CENPF: variants seen among roughly 807,000 people sequenced by gnomAD.
The protein encoded by CENPF is centromere protein F.
CENPF carries 214 observed loss-of-function variants against 307.3 expected under a neutral mutation model. The ratio of observed to expected loss-of-function variants is 0.70; its 90% CI spans 0.62 to 0.78. CENPF has a LOEUF of 0.78. Ranked by LOEUF, CENPF falls within the 30% of genes least tolerant of loss-of-function variation. CENPF has a pLI of 0.00. For missense variants in CENPF, 3,401 were observed against 3,483.9 expected (o/e 0.98, Z 0.60); for synonymous variants, 1,259 against 1,270.6 (o/e 0.99, Z 0.19).
intron 3 of CENPF, among the ~76,000 whole-genome samples, chr1:214,616,798 G>C (rs1054398060): frequency 6.7e-6 from 1 of 149,126 alleles, no homozygotes; most frequent in African/African-American, 2.5e-5. Context: ...TTCTTTCTTT[G>C]TTTCTTTCTT....
rs777417544 is a variant in CENPF, at chr1:214,641,409, T to C, written c.3071T>C (p.Ile1024Thr). Residue 1024 changes from isoleucine to threonine, a missense_variant, in exon 12 of 20, where the codon ATT (isoleucine) becomes ACT (threonine). Ile to Thr is a moderately conservative substitution (Grantham distance 89, BLOSUM62 -1). Transcript: ENST00000366955. ...GATCAGTACAAGCAAGAAAAACTTA[T>C]TTTACTACAAAGATGTGAAGAAACC... Reference protein sequence around the residue: ...LSDQYKQEKLILLQRCEETGN... With the variant: ...LSDQYKQEKLTLLQRCEETGN... The C allele has an allele frequency of 1.3e-6, 2 of 1,577,052 alleles. No individual in the cohort carries two copies. The highest frequency in any genetic ancestry group is 1.2e-5 in the South Asian group (1 of 83,860).
At chr1:214,624,618 G>A (rs140996457) in intron 7 of CENPF, among the ~76,000 whole-genome samples, 2 of 151,864 alleles carry the variant, frequency 1.3e-5, no homozygotes, top group Non-Finnish European at 2.9e-5. Flanking sequence ...TTGGTAATTT[G>A]TGTCTTCTCT....
chr1:214,605,600 A>G, intron 1 of CENPF: 1 of 1,296,922 alleles, frequency 7.7e-7, no homozygotes, highest in Non-Finnish European at 1.1e-6. Context: ...GTCCACATGC[A>G]GCCCCTGGGG....
chr1:214,608,397 G>A (rs1017941493), intron 1 of CENPF: 5 of 1,613,376 alleles, frequency 3.1e-6, no homozygotes, highest in African/African-American at 1.3e-5. Context: ...CACCGTAGCC[G>A]GAGTAGTCGT....
At chr1:214,644,511 C>G (rs959441125) in intron 12 of CENPF, 46 bp from the exon 13 acceptor site, 1 of 1,503,586 alleles carries the variant, frequency 6.7e-7, no homozygotes, top group Non-Finnish European at 8.9e-7. Context: ...TATTTTGATT[C>G]TTTTTGAAAA....
chr1:214,628,422 A>G (rs1331382026), intron 7 of CENPF, among the ~76,000 whole-genome samples: 3 of 151,450 alleles, frequency 2.0e-5, no homozygotes, highest in Admixed American at 2.0e-4. Flanking sequence ...TTGAACCATC[A>G]TTTGAGCAGT....
chr1:214,615,341 T>G (rs542332529), intron 3 of CENPF, among the ~76,000 whole-genome samples: 92 of 152,320 alleles, frequency 6.0e-4, no homozygotes, highest in African/African-American at 2.0e-3. Flanking sequence ...CACTGAGTAA[T>G]ACAATAATAA....
At chr1:214,618,465 T>C (rs1657416661) in intron 3 of CENPF, 108 bp from the exon 4 acceptor site, 5 of 1,295,788 alleles carry the variant, frequency 3.9e-6, no homozygotes, top group Non-Finnish European at 5.3e-6. Flanking sequence ...GAATTCTTAG[T>C]GGATGGGTTT....
rs1480578579 is a variant in CENPF at position 214,663,708 on chromosome 1, G to T, written c.9259G>T (p.Gly3087Cys). 2 of 1,613,998 alleles carry T rather than the reference G, an allele frequency of 1.2e-6. No individual in the cohort carries two copies. The highest frequency in any genetic ancestry group is 3.3e-5 in the Admixed American group (2 of 59,996). ...AAGTCCGACTGACAGCCCCAGAGAG[G>T]GCCTGAGGGTCAAGCGAGGCCGACT... ...ERSPTDSPRE[G>C]LRVKRGRLVP... Residue 3087 changes from glycine to cysteine, a missense_variant, in exon 20 of 20, where the codon GGC (glycine) becomes TGC (cysteine). Coordinates refer to ENST00000366955, the MANE Select transcript of CENPF (RefSeq NM_016343.4).
At position 214,642,098 on chromosome 1, in the gene CENPF, C is replaced by T; in HGVS notation, c.3760C>T (p.Gln1254Ter). 5 of 1,611,832 alleles carry T rather than the reference C, an allele frequency of 3.1e-6. No homozygotes were observed. Among genetic ancestry groups the T allele is most frequent in the Non-Finnish European group, 4.2e-6 (5 of 1,179,310 alleles). ...DLETSNLQDM[Q>*]SQEISGLKDC... ...TGAAACCAGCAATTTGCAAGACATG[C>T]AGTCACAAGAAATTAGTGGCCTTAA... The change falls in exon 12 of 20, where the codon CAG (glutamine) becomes TAG (stop). Residue 1254 changes from glutamine to a stop codon, truncating the protein, a stop_gained. Coordinates refer to ENST00000366955, the MANE Select transcript of CENPF (RefSeq NM_016343.4). LOFTEE classifies it high-confidence loss of function.
intron 1 of CENPF, chr1:214,613,080 G>A: frequency 3.0e-6 from 1 of 327,874 alleles, no homozygotes; most frequent in African/African-American, 2.1e-5. Context: ...CATTTTGCTA[G>A]CACTGATATG....
chr1:214,623,091 A>G (rs1657561372), intron 7 of CENPF, among the ~76,000 whole-genome samples: 1 of 152,076 alleles, frequency 6.6e-6, no homozygotes, highest in Admixed American at 6.6e-5. Flanking sequence ...CACACCTGTA[A>G]TCCCAGCTAC....
chr1:214,657,582 A>T (rs1005044221), intron 18 of CENPF, among the ~76,000 whole-genome samples, 173 bp downstream of exon 18: 1 of 152,224 alleles, frequency 6.6e-6, no homozygotes, highest in Non-Finnish European at 1.5e-5. Flanking sequence ...TTCCTCTAGG[A>T]TCTAATTACT....
At chr1:214,619,372 A>G in intron 5 of CENPF, 152 bp downstream of exon 5, 2 of 485,074 alleles carry the variant, frequency 4.1e-6, no homozygotes, top group East Asian at 6.8e-5. Context: ...AGTGGAGGTG[A>G]TTATTTTTTA....
rs1658176863 is a variant in CENPF, at chr1:214,643,051, A to T, written c.4713A>T (p.Glu1571Asp). The change falls in exon 12 of 20, where the codon GAA becomes GAT. Residue 1571 changes from glutamate (E) to aspartate (D), a missense_variant. Coordinates refer to ENST00000366955, the MANE Select transcript of CENPF (RefSeq NM_016343.4). ...QSLEKLEEKM[E>D]SQGIMKNKEI... ...TCGAGAAGCTAGAAGAGAAAATGGAAAGTCAAGGGATTATGAAAAATAAGG... is the reference window on the plus strand; with the variant it reads ...TCGAGAAGCTAGAAGAGAAAATGGATAGTCAAGGGATTATGAAAAATAAGG... 1 of 1,610,314 alleles carries T rather than the reference A, an allele frequency of 6.2e-7. No homozygotes were observed. Among genetic ancestry groups the T allele is most frequent in the Non-Finnish European group, 8.5e-7 (1 of 1,179,118 alleles).
intron 10 of CENPF, among the ~76,000 whole-genome samples, chr1:214,637,190 C>T (rs761496503): frequency 1.3e-5 from 2 of 152,176 alleles, no homozygotes; most frequent in Non-Finnish European, 2.9e-5. Flanking sequence ...CCTCTGATTT[C>T]CCATAGCACA....
At position 214,641,551 on chromosome 1, in the gene CENPF, G is replaced by T; in HGVS notation, c.3213G>T (p.Leu1071Phe). 6.6e-7 allele frequency: 1 copy of T among 1,517,364 alleles called. No homozygotes were observed. The highest frequency in any genetic ancestry group is 1.4e-5 in the South Asian group (1 of 73,664). The allele number at this position is 1,517,364 out of a possible 1,614,324, so 94.0% of individuals were successfully genotyped here. A position where few individuals can be genotyped will look rare whatever the true frequency, so the allele number is the denominator to read the frequency against. The change falls in exon 12 of 20, where the codon TTG (leucine) becomes TTT (phenylalanine). Residue 1071 changes from leucine (L) to phenylalanine (F), a missense_variant. Physicochemically the swap from Leu to Phe is conservative, Grantham distance 22. Coordinates refer to ENST00000366955, the MANE Select transcript of CENPF (RefSeq NM_016343.4). ...TTTGTGAAAATAGGAAAAATGAGTTGGAACAGCTAAAGGAAGCATTTGCAA... is the reference window on the plus strand; with the variant it reads ...TTTGTGAAAATAGGAAAAATGAGTTTGAACAGCTAAAGGAAGCATTTGCAA... The part of the protein sequence containing the change: ...TSLCENRKNE[L>F]EQLKEAFAKE...
chr1:214,640,816 C>T lies in CENPF; in HGVS notation c.2478C>T (p.Ala826=). The stretch of plus-strand genomic sequence containing the variant: ...CAGACCAAAGTCCGAAAAATTCTGC[C>T]ATCCTACAAAATAGAGTTGATTCAC... ...LEADQSPKNS[A]ILQNRVDSLE... Residue 826 remains alanine, a synonymous_variant, in exon 12 of 20, where the codon GCC becomes GCT. Transcript: ENST00000366955. 6.2e-7 allele frequency: 1 copy of T among 1,606,120 alleles called. No homozygotes were observed. The highest frequency in any genetic ancestry group is 8.5e-7 in the Non-Finnish European group (1 of 1,177,056).
At chr1:214,631,500 T>A (rs1304299533) in intron 9 of CENPF, among the ~76,000 whole-genome samples, 2 of 151,752 alleles carry the variant, frequency 1.3e-5, no homozygotes, top group African/African-American at 4.9e-5. Context: ...TTTGTTTGTT[T>A]GTTTTGTTTT....
Sources: gnomAD v4.1 joint callset for allele counts (sites outside exome capture counted in the v4.1 genomes callset) on GRCh38, gnomAD v4.1.1 for gene constraint, MANE v1.5 for transcripts, NCBI Gene and HGNC (gene_info 2026-07-23, HGNC 2026-07-21) for gene names.